The following TMPRSS11F variants were observed in gnomAD, a reference collection of about 807,000 sequenced individuals.
TMPRSS11F encodes the protein transmembrane protease serine 11F.
Under a neutral mutation model 60.2 loss-of-function variants are expected in TMPRSS11F, and 47 were observed. The observed-to-expected ratio is 0.78, with a 90% CI of 0.62 to 1.00. The LOEUF is 1.00. TMPRSS11F is among the 50% of genes least tolerant of loss of function. The probability of loss-of-function intolerance (pLI) is 0.00; values close to 1 mark genes in which losing one functional copy is unlikely to be tolerated. For missense variants in TMPRSS11F, 519 were observed against 522.9 expected (o/e 0.99, Z 0.07); for synonymous variants, 166 against 167.3 (o/e 0.99, Z 0.06).
chr4:68,113,368 G>T (rs1190931996), intron 1 of TMPRSS11F, among the ~76,000 whole-genome samples: 1 of 150,910 alleles, frequency 6.6e-6, no homozygotes, highest in Non-Finnish European at 1.5e-5. Flanking sequence ...AATTGCTGAA[G>T]ATATGGCTTG....
chr4:68,088,189 TG>T (rs1014909518), intron 3 of TMPRSS11F, among the ~76,000 whole-genome samples: 1 of 151,410 alleles, frequency 6.6e-6, no homozygotes, highest in African/African-American at 2.4e-5. Context: ...AATAAAAGGA[TG>T]GAGGAAGATC....
chr4:68,111,711 A>T (rs1724412682), intron 1 of TMPRSS11F, among the ~76,000 whole-genome samples: 1 of 152,176 alleles, frequency 6.6e-6, no homozygotes. Flanking sequence ...ATGGTGGTGG[A>T]CAGTTGATAC....
chr4:68,095,508 T>G (rs10031769), intron 2 of TMPRSS11F, among the ~76,000 whole-genome samples: 46,321 of 151,950 alleles, frequency 0.3, 7,173 homozygotes, highest in East Asian at 0.49. Flanking sequence ...TATAAAAAAC[T>G]ATGGCAACAC....
intron 3 of TMPRSS11F, among the ~76,000 whole-genome samples, chr4:68,077,121 T>C (rs965602105): frequency 6.6e-6 from 1 of 152,192 alleles, no homozygotes; most frequent in African/African-American, 2.4e-5. Context: ...CATTAATCAG[T>C]CCTGCAAGAA....
intron 5 of TMPRSS11F, 25 bp from the exon 6 acceptor site, chr4:68,070,032 G>C: frequency 6.3e-7 from 1 of 1,596,942 alleles, no homozygotes; most frequent in Non-Finnish European, 8.5e-7. Context: ...ACATGAATTA[G>C]TTGGCAGAAG....
In TMPRSS11F at chr4:68,064,962, G is replaced by C; in HGVS notation, c.756-18C>G. ...CTTTATTTCTGCAAAAAATTAAAAA[G>C]TAATACTTGTGATGCTTGACTTAAT... On this transcript the variant is annotated intron_variant, in intron 7 of 9. Transcript: ENST00000356291. 6.3e-7 allele frequency: 1 copy of C among 1,599,722 alleles called. No individual in the cohort carries two copies. The highest frequency in any genetic ancestry group is 2.2e-5 in the East Asian group (1 of 44,790).
intron 1 of TMPRSS11F, among the ~76,000 whole-genome samples, chr4:68,100,126 G>A (rs1013395244): frequency 5.3e-5 from 8 of 151,566 alleles, no homozygotes; most frequent in African/African-American, 1.7e-4. Context: ...ATTACTAATA[G>A]GGGGTAAAAA....
At chr4:68,090,668 C>T (rs769144772) in intron 2 of TMPRSS11F, 27 bp from the exon 3 acceptor site, 2 of 1,579,116 alleles carry the variant, frequency 1.3e-6, no homozygotes, top group East Asian at 2.3e-5. Flanking sequence ...ACAAAAGTCT[C>T]ATGGTTAAAG....
Position 68,062,903 on chromosome 4 carries a change from TC to T in TMPRSS11F, c.1015+1781del, listed in dbSNP as rs753345340. On this transcript the variant is annotated intron_variant, in intron 8 of 9. Coordinates refer to ENST00000356291, the MANE Select transcript of TMPRSS11F (RefSeq NM_207407.2). ...TTTTAAGTGGCTGCCTTTTATCACT[TC>T]TGCTGATAGTCTCCCATTTGTGGCA... The T allele has an allele frequency of 2.8e-5, 23 of 807,608 alleles. No individual in the cohort carries two copies. In the South Asian group the frequency reaches 3.0e-4, roughly 11 times the overall value. The allele number at this position is 807,608 out of a possible 1,614,324, so 50.0% of individuals were successfully genotyped here.
chr4:68,107,926 ACT>A (rs1206206792), intron 1 of TMPRSS11F, among the ~76,000 whole-genome samples: 4 of 152,036 alleles, frequency 2.6e-5, no homozygotes, highest in East Asian at 1.9e-4. Context: ...ACAAAGTGAG[ACT>A]CTGTCTCAAA....
intron 3 of TMPRSS11F, chr4:68,077,290 T>C (rs1173906648): frequency 6.6e-6 from 1 of 152,298 alleles, no homozygotes; most frequent in Non-Finnish European, 1.5e-5. Context: ...GGAAAAGAAG[T>C]GCAGAAAGGA....
intron 1 of TMPRSS11F, among the ~76,000 whole-genome samples, chr4:68,114,858 T>C (rs1431369410): frequency 6.6e-6 from 1 of 151,592 alleles, no homozygotes; most frequent in African/African-American, 2.4e-5. Flanking sequence ...AGTTCAAAAT[T>C]TGAAAACCAA....
At chr4:68,122,968 A>C (rs541742472) in intron 1 of TMPRSS11F, among the ~76,000 whole-genome samples, 12 of 152,186 alleles carry the variant, frequency 7.9e-5, no homozygotes, top group Admixed American at 3.3e-4. Context: ...AGTTGCCTTT[A>C]CTATGTTCCT....
chr4:68,106,660 G>T (rs142566237), intron 1 of TMPRSS11F, among the ~76,000 whole-genome samples: 1 of 152,154 alleles, frequency 6.6e-6, no homozygotes, highest in Non-Finnish European at 1.5e-5. Context: ...AGCTAGAAAT[G>T]ACTGGTTTGA....
intron 6 of TMPRSS11F, among the ~76,000 whole-genome samples, chr4:68,069,093 G>T (rs574315722): frequency 1.3e-5 from 2 of 152,246 alleles, no homozygotes; most frequent in African/African-American, 2.4e-5. Context: ...AAAATGTATA[G>T]ATCCTCTGCT....
At chr4:68,099,568 C>G (rs35620027) in intron 1 of TMPRSS11F, among the ~76,000 whole-genome samples, 43,991 of 152,006 alleles carry the variant, frequency 0.29, 6,455 homozygotes, top group East Asian at 0.49. Flanking sequence ...CTCCATTACT[C>G]AAAAATATCT....
At chr4:68,115,542 G>C (rs1724501755) in intron 1 of TMPRSS11F, among the ~76,000 whole-genome samples, 1 of 151,988 alleles carries the variant, frequency 6.6e-6, no homozygotes, top group Non-Finnish European at 1.5e-5. Context: ...CTTAGCCACT[G>C]CAATAAAGCA....
chr4:68,114,029 T>C (rs1724463608), intron 1 of TMPRSS11F, among the ~76,000 whole-genome samples: 1 of 151,950 alleles, frequency 6.6e-6, no homozygotes. Context: ...TCTAAATGAC[T>C]TAGGAATTAA....
At chr4:68,114,373 A>G (rs1017746389) in intron 1 of TMPRSS11F, among the ~76,000 whole-genome samples, 1 of 152,018 alleles carries the variant, frequency 6.6e-6, no homozygotes, top group African/African-American at 2.4e-5. Flanking sequence ...ACTAGGAATG[A>G]GGAGAAAGAT....
Sources: gnomAD v4.1 joint callset for allele counts (sites outside exome capture counted in the v4.1 genomes callset) on GRCh38, gnomAD v4.1.1 for gene constraint, MANE v1.5 for transcripts, NCBI Gene and HGNC (gene_info 2026-07-23, HGNC 2026-07-21) for gene names.